ECPAS: variants seen among roughly 807,000 people sequenced by gnomAD.
ECPAS encodes Ecm29 proteasome adaptor and scaffold, also known as proteasome adapter and scaffold protein ECM29.
In ECPAS, 70 loss-of-function variants were observed where a neutral mutation model predicts 255.1. The observed-to-expected ratio is 0.27, with a 90% CI of 0.23 to 0.33. The LOEUF is 0.33. ECPAS is among the 10% of genes least tolerant of loss of function. The probability of loss-of-function intolerance (pLI) is 1.00; values close to 1 mark genes in which losing one functional copy is unlikely to be tolerated. For missense variants in ECPAS, 1,817 were observed against 2,206.4 expected (o/e 0.82, Z 3.54); for synonymous variants, 784 against 775.0 (o/e 1.01, Z -0.19).
chr9:111,389,615 G>C lies in ECPAS; in HGVS notation c.3388C>G (p.Leu1130Val), dbSNP rs758395160. Reference protein sequence around the residue: ...RLYRYQFDPNLGIRQAMTSIW... With the variant: ...RLYRYQFDPNVGIRQAMTSIW... ...CTTGTCATGGCCTGTCGAATGCCAA[G>C]GTTGGGATCAAACTGGTAACGATAA... Residue 1130 changes from leucine (L) to valine (V), a missense_variant, in exon 31 of 50, where the codon CTT becomes GTT. Coordinates refer to ENST00000684092, the MANE Select transcript of ECPAS (RefSeq NM_001364929.1). 2 of 1,613,978 alleles carry C rather than the reference G, an allele frequency of 1.2e-6. No homozygotes were observed. Among genetic ancestry groups the C allele is most frequent in the African/African-American group, 2.7e-5 (2 of 75,068 alleles).
intron 8 of ECPAS, among the ~76,000 whole-genome samples, chr9:111,432,386 C>T (rs955920443): frequency 1.5e-4 from 23 of 152,220 alleles, no homozygotes; most frequent in Admixed American, 7.2e-4. Flanking sequence ...GGCCAAGCTG[C>T]GTGGATCACC....
intron 24 of ECPAS, among the ~76,000 whole-genome samples, chr9:111,399,068 A>G (rs2098171685): frequency 1.3e-5 from 2 of 152,248 alleles, no homozygotes; most frequent in Admixed American, 1.3e-4. Flanking sequence ...ACTCAAAAGA[A>G]ATGCTTGAGG....
rs751179387 is a variant in ECPAS, at chr9:111,371,610, G to A, written c.4737+11C>T. ...AGAATCCCTTTAACTGGGTATGAAT[G>A]GTTCCTTTACCTTTCCTGCCCACGT... On this transcript the variant is annotated intron_variant, in intron 43 of 49. Transcript: ENST00000684092. 5 of 1,610,208 alleles carry A rather than the reference G, an allele frequency of 3.1e-6. No individual in the cohort carries two copies. Among genetic ancestry groups the A allele is most frequent in the Non-Finnish European group, 3.4e-6 (4 of 1,177,172 alleles).
intron 12 of ECPAS, among the ~76,000 whole-genome samples, chr9:111,424,443 C>T (rs998708613): frequency 1.6e-4 from 25 of 152,248 alleles, no homozygotes; most frequent in African/African-American, 4.8e-4. Context: ...TCTCACTATA[C>T]TACTGCAAAC....
chr9:111,455,196 T>C (rs1294368306), intron 2 of ECPAS, among the ~76,000 whole-genome samples: 1 of 152,168 alleles, frequency 6.6e-6, no homozygotes, highest in Non-Finnish European at 1.5e-5. Flanking sequence ...GTAGAAACAC[T>C]TGCTTTCGGC....
chr9:111,471,980 G>T (rs117483442), intron 2 of ECPAS, among the ~76,000 whole-genome samples: 2 of 152,040 alleles, frequency 1.3e-5, no homozygotes, highest in African/African-American at 4.8e-5. Flanking sequence ...ACACAACTAT[G>T]ATCCCAGCTA....
intron 2 of ECPAS, among the ~76,000 whole-genome samples, chr9:111,470,316 CTTT>C (rs1011956272): frequency 1.4e-5 from 2 of 143,448 alleles, no homozygotes; most frequent in Non-Finnish European, 1.5e-5. Context: ...TTTCCCTGGC[CTTT>C]TTTTTTTTTT....
At chr9:111,459,382 T>C (rs2098270610) in intron 2 of ECPAS, among the ~76,000 whole-genome samples, 1 of 152,122 alleles carries the variant, frequency 6.6e-6, no homozygotes, top group Non-Finnish European at 1.5e-5. Flanking sequence ...TGAGCCATCA[T>C]ATTTGGCTAA....
chr9:111,433,749 G>T (rs141618538), intron 7 of ECPAS, among the ~76,000 whole-genome samples: 1 of 152,094 alleles, frequency 6.6e-6, no homozygotes, highest in Admixed American at 6.6e-5. Flanking sequence ...ATGAAGTCTT[G>T]AAGTCCAAAT....
chr9:111,402,966 T>C (rs2098178404), intron 24 of ECPAS, among the ~76,000 whole-genome samples: 1 of 152,042 alleles, frequency 6.6e-6, no homozygotes, highest in African/African-American at 2.4e-5. Flanking sequence ...CTAACAATAA[T>C]AAACTGACTG....
At chr9:111,374,127 A>T in intron 38 of ECPAS, 89 bp from the exon 39 acceptor site, 1 of 974,010 alleles carries the variant, frequency 1.0e-6, no homozygotes, top group Non-Finnish European at 1.7e-6. Context: ...AAATTTAAAC[A>T]TATAAAATAC....
chr9:111,406,908 TAAAAG>T (rs1210989858), intron 24 of ECPAS, among the ~76,000 whole-genome samples: 4 of 148,892 alleles, frequency 2.7e-5, no homozygotes, highest in Non-Finnish European at 1.5e-5. Context: ...TAAAAACAGT[TAAAAG>T]AAACCAAAAA....
intron 25 of ECPAS, among the ~76,000 whole-genome samples, chr9:111,396,162 T>C (rs890099230): frequency 9.9e-5 from 15 of 152,232 alleles, no homozygotes; most frequent in African/African-American, 3.6e-4. Context: ...GGATAAAATA[T>C]AAAAATGTGG....
rs563007450 is a variant in ECPAS at position 111,388,417 on chromosome 9, CT to C, written c.3447+1138del. ...CTGGAGCAAGCAAAACTCATTGAGT[CT>C]TCAAAGCTGAACCCTCAAGTACCTA... On this transcript the variant is annotated intron_variant, in intron 31 of 49. Transcript: ENST00000684092. 1.7e-3 allele frequency among the ~76,000 whole-genome samples: 253 copies of C among 149,490 alleles called. 1 individual carries two copies. The highest frequency in any genetic ancestry group is 1.5e-3 in the Non-Finnish European group (103 of 67,576).
chr9:111,443,796 G>A (rs1218770076), intron 4 of ECPAS, among the ~76,000 whole-genome samples: 1 of 151,906 alleles, frequency 6.6e-6, no homozygotes, highest in Non-Finnish European at 1.5e-5. Context: ...GGAACTACAA[G>A]GACCAGGAAA....
chr9:111,483,489 G>T (rs1229834331), intron 1 of ECPAS: 1 of 978,110 alleles, frequency 1.0e-6, no homozygotes, highest in Admixed American at 6.4e-5. Context: ...CCGCAGGTTC[G>T]GCCGCGGCAC....
Position 111,373,972 on chromosome 9 carries a change from C to A in ECPAS, c.4177G>T (p.Gly1393Cys). The change falls in exon 39 of 50, where the codon GGT (glycine) becomes TGT (cysteine). Residue 1393 changes from glycine (G) to cysteine (C), a missense_variant and splice_region_variant. Around this residue, in one of 4 missense-constraint regions of ECPAS, gnomAD observed 960 missense variants for 1,179.0 expected, o/e 0.81. Transcript: ENST00000684092. Reference sequence around the variant, plus strand: ...ACCACACATCCCTTGACAAACTCACCTGAGTAAGGTGTTAGGTCCTGAGGA... The same window carrying A: ...ACCACACATCCCTTGACAAACTCACATGAGTAAGGTGTTAGGTCCTGAGGA... ...QCPQDLTPYSGKLMSALLSGL... is the reference protein window; with the variant it reads ...QCPQDLTPYSCKLMSALLSGL... The A allele has an allele frequency of 6.2e-7, 1 of 1,610,738 alleles. No individual in the cohort carries two copies. The highest frequency in any genetic ancestry group is 8.5e-7 in the Non-Finnish European group (1 of 1,176,996).
At chr9:111,460,433 G>A (rs1405841598) in intron 2 of ECPAS, among the ~76,000 whole-genome samples, 1 of 152,120 alleles carries the variant, frequency 6.6e-6, no homozygotes, top group African/African-American at 2.4e-5. Context: ...ACAAGGTAAA[G>A]ATGTTCACTA....
chr9:111,362,317 A>G (rs983201819), intron 49 of ECPAS, 148 bp from the exon 50 acceptor site: 34 of 632,340 alleles, frequency 5.4e-5, no homozygotes, highest in African/African-American at 1.8e-5. Flanking sequence ...TTGATAACAG[A>G]TCAGTATATA....
Sources: allele counts gnomAD v4.1 joint callset (sites outside exome capture counted in the v4.1 genomes callset), GRCh38; gene constraint gnomAD v4.1.1; regional missense constraint gnomAD v4.1.1; transcripts MANE v1.5; gene names NCBI Gene and HGNC (gene_info 2026-07-23, HGNC 2026-07-21).